The following CCDC60 variants were observed in gnomAD, a reference collection of about 807,000 sequenced individuals.
The protein encoded by CCDC60 is coiled-coil domain containing 60.
CCDC60 carries 54 observed loss-of-function variants against 63.5 expected under a neutral mutation model. The ratio of observed to expected loss-of-function variants is 0.85; its 90% CI spans 0.68 to 1.07. The LOEUF (loss-of-function observed/expected upper bound fraction) is 1.07. Ranked by LOEUF, CCDC60 falls within the 50% of genes least tolerant of loss-of-function variation. The pLI, the probability that CCDC60 is intolerant of heterozygous loss-of-function variation, is 0.00. For synonymous variants in CCDC60, 206 were observed against 238.8 expected (o/e 0.86, Z 1.27); for missense variants, 651 against 684.3 (o/e 0.95, Z 0.54).
chr12:119,446,281 G>A (rs138669927), intron 2 of CCDC60, among the ~76,000 whole-genome samples: 172 of 152,292 alleles, frequency 1.1e-3, no homozygotes, highest in African/African-American at 3.9e-3. Flanking sequence ...CACATTAACT[G>A]AAGAGCAATT....
intron 1 of CCDC60, among the ~76,000 whole-genome samples, chr12:119,354,581 A>G (rs1955697261): frequency 6.6e-6 from 1 of 152,246 alleles, no homozygotes; most frequent in South Asian, 2.1e-4. Context: ...CTGCTTTAGC[A>G]AAGAAACGGG....
intron 4 of CCDC60, among the ~76,000 whole-genome samples, chr12:119,484,710 C>A (rs144655588): frequency 0.019 from 2,848 of 151,570 alleles, 96 homozygotes; most frequent in African/African-American, 0.065. Flanking sequence ...GAGACCCTGT[C>A]TCAAAAAAAA....
intron 1 of CCDC60, among the ~76,000 whole-genome samples, chr12:119,354,075 TCTC>T (rs1241480697): frequency 2.1e-5 from 2 of 94,916 alleles, no homozygotes; most frequent in South Asian, 4.3e-4. Flanking sequence ...TCTCTCTCTC[TCTC>T]GTCTCTCTCC....
chr12:119,459,593 G>T (rs1390220858), intron 2 of CCDC60, among the ~76,000 whole-genome samples: 2 of 152,146 alleles, frequency 1.3e-5, no homozygotes, highest in Non-Finnish European at 1.5e-5. Context: ...CACCCCCATT[G>T]CTCCTATAGA....
At chr12:119,474,393 C>G (rs1274981218) in intron 3 of CCDC60, among the ~76,000 whole-genome samples, 3 of 152,198 alleles carry the variant, frequency 2.0e-5, no homozygotes, top group African/African-American at 4.8e-5. Flanking sequence ...TGTTAATTTA[C>G]AGAATGTGAA....
intron 6 of CCDC60, among the ~76,000 whole-genome samples, chr12:119,501,978 A>C (rs561915982): frequency 6.6e-6 from 1 of 152,304 alleles, no homozygotes; most frequent in African/African-American, 2.4e-5. Context: ...CTATAAAATG[A>C]GGACTTTGAA....
chr12:119,363,423 C>CTG (rs5801335), intron 1 of CCDC60, among the ~76,000 whole-genome samples: 17,109 of 150,596 alleles, frequency 0.11, 1,639 homozygotes, highest in East Asian at 0.53. Context: ...TATGAGTCCT[C>CTG]TGTGTGTGTG....
At chr12:119,386,834 G>A (rs193263631) in intron 1 of CCDC60, among the ~76,000 whole-genome samples, 3 of 152,276 alleles carry the variant, frequency 2.0e-5, no homozygotes, top group East Asian at 1.9e-4. Flanking sequence ...CGAGCATTGC[G>A]AGGAAGCCTC....
At chr12:119,529,776 T>C (rs1177980844) in intron 12 of CCDC60, among the ~76,000 whole-genome samples, 5 of 152,018 alleles carry the variant, frequency 3.3e-5, no homozygotes, top group Non-Finnish European at 1.5e-5. Flanking sequence ...GGGAGGGAAT[T>C]TGGGGGGAGG....
intron 9 of CCDC60, among the ~76,000 whole-genome samples, chr12:119,522,183 A>G (rs1042761167): frequency 1.3e-5 from 2 of 152,242 alleles, no homozygotes; most frequent in Non-Finnish European, 2.9e-5. Context: ...TTTGGAAGAA[A>G]GAAGGGGAAA....
chr12:119,445,555 T>A (rs1950529655), intron 2 of CCDC60, among the ~76,000 whole-genome samples: 1 of 151,156 alleles, frequency 6.6e-6, no homozygotes, highest in African/African-American at 2.4e-5. Context: ...AGAACAATTC[T>A]TCAACAAGTT....
At chr12:119,528,171 G>A (rs1006750017) in intron 11 of CCDC60, among the ~76,000 whole-genome samples, 1 of 152,050 alleles carries the variant, frequency 6.6e-6, no homozygotes, top group Non-Finnish European at 1.5e-5. Flanking sequence ...AGTCTCATTG[G>A]AGAGACAGAA....
intron 6 of CCDC60, among the ~76,000 whole-genome samples, chr12:119,504,706 C>G (rs1280060891): frequency 1.3e-5 from 2 of 152,148 alleles, no homozygotes; most frequent in Non-Finnish European, 2.9e-5. Context: ...AAAATCAACT[C>G]CAATAGTTAT....
intron 3 of CCDC60, among the ~76,000 whole-genome samples, chr12:119,477,642 TCA>T (rs1951203726): frequency 6.6e-6 from 1 of 152,136 alleles, no homozygotes; most frequent in Non-Finnish European, 1.5e-5. Context: ...ACACTGCAGC[TCA>T]GAAACTAAAA....
chr12:119,484,490 C>T lies in CCDC60; in HGVS notation c.450-4269C>T, dbSNP rs1030535764. On this transcript the variant is annotated intron_variant, in intron 4 of 13. Transcript: ENST00000327554. The stretch of plus-strand genomic sequence containing the variant: ...CAGCACTTTGGGAAACTGAGGCAGG[C>T]GGATCGCTTGAGCCCAGGAGTTTGA... 8.6e-5 allele frequency among the ~76,000 whole-genome samples: 13 copies of T among 152,020 alleles called. No homozygotes were observed. In the East Asian group the frequency reaches 1.2e-3, roughly 14 times the overall value.
intron 5 of CCDC60, among the ~76,000 whole-genome samples, chr12:119,492,105 T>TA (rs750812997): frequency 2.6e-5 from 4 of 152,146 alleles, no homozygotes; most frequent in Non-Finnish European, 4.4e-5. Flanking sequence ...CCACCTGAGG[T>TA]AAAAAATGCA....
chr12:119,526,006 C>T (rs1283233545), intron 11 of CCDC60, among the ~76,000 whole-genome samples: 2 of 152,048 alleles, frequency 1.3e-5, no homozygotes, highest in African/African-American at 4.8e-5. Context: ...ATCACCTGAC[C>T]TCAAACTATA....
intron 5 of CCDC60, among the ~76,000 whole-genome samples, chr12:119,494,443 C>T (rs1002781854): frequency 1.5e-4 from 23 of 152,182 alleles, no homozygotes; most frequent in Admixed American, 1.0e-3. Context: ...CAGTTGTCTA[C>T]GTCTTATTGC....
intron 3 of CCDC60, among the ~76,000 whole-genome samples, chr12:119,476,712 G>T (rs1951185568): frequency 6.6e-6 from 1 of 152,066 alleles, no homozygotes; most frequent in African/African-American, 2.4e-5. Flanking sequence ...GGGTTCCAAG[G>T]CCCTGGATGG....
Sources: gnomAD v4.1 joint callset for allele counts (sites outside exome capture counted in the v4.1 genomes callset) on GRCh38, gnomAD v4.1.1 for gene constraint, MANE v1.5 for transcripts, NCBI Gene and HGNC (gene_info 2026-07-23, HGNC 2026-07-21) for gene names.